TMEM267: variants seen among roughly 807,000 people sequenced by gnomAD.
TMEM267 encodes transmembrane protein C5orf28.
A neutral mutation model predicts 19.3 loss-of-function variants in TMEM267; 20 were observed. The observed-to-expected ratio is 1.04, with a 90% confidence interval of 0.73 to 1.51. The LOEUF is 1.51. Among genes scored for constraint, TMEM267 ranks in the 40% most tolerant of loss-of-function variants. TMEM267 has a pLI of 0.00. For synonymous variants in TMEM267, 88 were observed against 90.3 expected, an observed-to-expected ratio of 0.97 and a Z score of 0.15; for missense variants, 242 against 261.9, an observed-to-expected ratio of 0.92 and a Z score of 0.52.
chr5:43,458,645 T>C (rs756784371), intron 1 of TMEM267, among the ~76,000 whole-genome samples: 104 of 152,194 alleles, frequency 6.8e-4, no homozygotes, highest in Admixed American at 6.5e-4. Context: ...TCAAACTGTA[T>C]ATTTTAAACA....
intron 1 of TMEM267, among the ~76,000 whole-genome samples, chr5:43,455,911 C>T (rs1440630300): frequency 4.6e-5 from 7 of 151,538 alleles, no homozygotes. Flanking sequence ...TTATGGCTCA[C>T]TACACCCTTT....
chr5:43,476,077 T>G (rs1221630513), intron 1 of TMEM267: 1 of 152,196 alleles, frequency 6.6e-6, no homozygotes, highest in Admixed American at 6.6e-5. Flanking sequence ...GAGAGCACAC[T>G]GTGAAGTTTG....
chr5:43,468,162 G>A (rs111259371), intron 1 of TMEM267, among the ~76,000 whole-genome samples: 11,593 of 152,096 alleles, frequency 0.076, 776 homozygotes, highest in African/African-American at 0.18. Flanking sequence ...TTTTACAGAA[G>A]TAAAGTAGGC....
chr5:43,475,564 G>A (rs1561198020), intron 1 of TMEM267, among the ~76,000 whole-genome samples: 2 of 151,978 alleles, frequency 1.3e-5, no homozygotes, highest in South Asian at 2.1e-4. Flanking sequence ...TTATAACATC[G>A]TTTTGGCGGT....
chr5:43,458,008 C>T (rs1347791038), intron 1 of TMEM267, among the ~76,000 whole-genome samples: 1 of 152,136 alleles, frequency 6.6e-6, no homozygotes, highest in Non-Finnish European at 1.5e-5. Flanking sequence ...AGGTGATCCT[C>T]CCACCTCACC....
At chr5:43,483,059 T>G (rs560136573) in intron 1 of TMEM267, among the ~76,000 whole-genome samples, 1 of 152,364 alleles carries the variant, frequency 6.6e-6, no homozygotes, top group South Asian at 2.1e-4. Context: ...CCAGTAAGTC[T>G]TCTTCACTGA....
In TMEM267 at chr5:43,481,573, CG is replaced by C. The variant is rs1400545351; in HGVS notation, c.-75+2248del. On this transcript the variant is annotated intron_variant, in intron 1 of 2. Coordinates refer to ENST00000397080, the MANE Select transcript of TMEM267 (RefSeq NM_022483.5). Reference sequence around the variant, plus strand: ...TTACTGTTTACAAAAAACTGTATCACGGTTTACGAATAGGAACACATATATT... The same window carrying C: ...TTACTGTTTACAAAAAACTGTATCACGTTTACGAATAGGAACACATATATT... Among the ~76,000 whole-genome samples the C allele has an allele frequency of 3.9e-5, 6 of 152,124 alleles. No homozygotes were observed. The East Asian group carries it at 1.2e-3, about 29-fold the overall frequency.
At chr5:43,480,783 T>C (rs2112224665) in intron 1 of TMEM267, among the ~76,000 whole-genome samples, 1 of 149,918 alleles carries the variant, frequency 6.7e-6, no homozygotes, top group South Asian at 2.1e-4. Flanking sequence ...TATATTTAAA[T>C]GTTAATAATC....
chr5:43,484,177 C>G (rs891884435), upstream of TMEM267: 1 of 152,290 alleles, frequency 6.6e-6, no homozygotes, highest in African/African-American at 2.4e-5. Flanking sequence ...CTGCCGACAT[C>G]CCCACGACGC....
intron 1 of TMEM267, chr5:43,454,579 G>A (rs1742831547): frequency 6.6e-6 from 1 of 152,180 alleles, no homozygotes; most frequent in Non-Finnish European, 1.5e-5. Flanking sequence ...CTTCTTGGAG[G>A]CCATGGGCTC....
chr5:43,462,885 A>G (rs928540879), intron 1 of TMEM267, among the ~76,000 whole-genome samples: 5 of 152,182 alleles, frequency 3.3e-5, no homozygotes, highest in Admixed American at 1.3e-4. Flanking sequence ...ACAACTAGAA[A>G]AGCAAGAGCA....
At chr5:43,467,626 A>G (rs1342595222) in intron 1 of TMEM267, among the ~76,000 whole-genome samples, 1 of 152,174 alleles carries the variant, frequency 6.6e-6, no homozygotes, top group African/African-American at 2.4e-5. Context: ...CCCCAATATA[A>G]TAATAGTTGG....
chr5:43,481,177 T>C (rs916410045), intron 1 of TMEM267, among the ~76,000 whole-genome samples: 2 of 146,094 alleles, frequency 1.4e-5, no homozygotes, highest in Non-Finnish European at 3.0e-5. Flanking sequence ...CGATCATAGC[T>C]CACTGTAACC....
intron 1 of TMEM267, chr5:43,479,870 A>G: frequency 2.2e-6 from 1 of 444,736 alleles, no homozygotes; most frequent in Non-Finnish European, 4.5e-6. Context: ...TGACCAAAAT[A>G]CAAAAAATGC....
At chr5:43,478,200 C>A (rs930710999) in intron 1 of TMEM267, among the ~76,000 whole-genome samples, 12 of 152,172 alleles carry the variant, frequency 7.9e-5, no homozygotes, top group Admixed American at 1.3e-4. Flanking sequence ...AATCATCAGA[C>A]AAAACCTAGT....
At chr5:43,473,113 G>C (rs1481060209) in intron 1 of TMEM267, among the ~76,000 whole-genome samples, 1 of 128,826 alleles carries the variant, frequency 7.8e-6, no homozygotes, top group Non-Finnish European at 1.5e-5. Context: ...ACTCCAGCCT[G>C]GACTACAGAG....
intron 1 of TMEM267, among the ~76,000 whole-genome samples, chr5:43,465,929 A>G (rs1460819948): frequency 2.6e-5 from 4 of 151,542 alleles, no homozygotes; most frequent in Non-Finnish European, 4.4e-5. Context: ...CATTGTGCAC[A>G]TGTACCCTAA....
At chr5:43,477,268 T>C (rs1338754189) in intron 1 of TMEM267, among the ~76,000 whole-genome samples, 1 of 151,846 alleles carries the variant, frequency 6.6e-6, no homozygotes, top group Non-Finnish European at 1.5e-5. Context: ...GCTTTGAAAC[T>C]ATCCCTCAAG....
intron 2 of TMEM267, among the ~76,000 whole-genome samples, chr5:43,453,202 G>A (rs979330284): frequency 1.2e-4 from 18 of 152,164 alleles, no homozygotes; most frequent in Admixed American, 1.2e-3. Context: ...TCATCTTAAA[G>A]CTATTCAACT....
Sources: gnomAD v4.1 joint callset for allele counts (sites outside exome capture counted in the v4.1 genomes callset) on GRCh38, gnomAD v4.1.1 for gene constraint, MANE v1.5 for transcripts, NCBI Gene and HGNC (gene_info 2026-07-23, HGNC 2026-07-21) for gene names.